The following COX10 variants were observed in gnomAD, a reference collection of about 807,000 sequenced individuals.
COX10 encodes the protein protoheme IX farnesyltransferase, mitochondrial.
Under a neutral mutation model 37.3 loss-of-function variants are expected in COX10, and 27 were observed. The observed-to-expected ratio is 0.72, with a 90% CI of 0.53 to 1.00. COX10 has a LOEUF of 1.00. COX10 is among the 50% of genes least tolerant of loss of function. The pLI is 0.00. For missense variants in COX10, 475 were observed against 563.2 expected, an observed-to-expected ratio of 0.84 and a Z score of 1.59; for synonymous variants, 222 against 229.1, an observed-to-expected ratio of 0.97 and a Z score of 0.28.
chr17:14,161,932 C>A (rs760630372), intron 5 of COX10, among the ~76,000 whole-genome samples: 1 of 152,168 alleles, frequency 6.6e-6, no homozygotes, highest in Non-Finnish European at 1.5e-5. Flanking sequence ...TATACACATC[C>A]TATTGGTTCT....
chr17:14,112,594 C>T (rs1916026563), intron 4 of COX10, among the ~76,000 whole-genome samples: 1 of 152,112 alleles, frequency 6.6e-6, no homozygotes, highest in Non-Finnish European at 1.5e-5. Context: ...TTTATTGGCT[C>T]TGTAACAGAA....
At chr17:14,192,951 AC>A (rs1250826541) in intron 6 of COX10, among the ~76,000 whole-genome samples, 1 of 152,070 alleles carries the variant, frequency 6.6e-6, no homozygotes, top group Non-Finnish European at 1.5e-5. Flanking sequence ...ATAAACCGTT[AC>A]CCTGTAAGCC....
chr17:14,141,832 G>A (rs1227276404), intron 4 of COX10, among the ~76,000 whole-genome samples: 1 of 152,086 alleles, frequency 6.6e-6, no homozygotes, highest in Non-Finnish European at 1.5e-5. Context: ...ATATAATTTA[G>A]AATTTCACTG....
At chr17:14,196,785 T>A (rs954480434) in intron 6 of COX10, among the ~76,000 whole-genome samples, 1 of 152,126 alleles carries the variant, frequency 6.6e-6, no homozygotes, top group African/African-American at 2.4e-5. Flanking sequence ...CTAGACCTGC[T>A]CCCTCCCACA....
intron 3 of COX10, among the ~76,000 whole-genome samples, chr17:14,080,219 C>CTTTTTTTT (rs71147840): frequency 7.8e-5 from 8 of 102,706 alleles, no homozygotes; most frequent in East Asian, 5.8e-4. Flanking sequence ...ATTAGACTTT[C>CTTTTTTTT]TTTTTTTTTT....
intron 3 of COX10, among the ~76,000 whole-genome samples, chr17:14,082,981 G>A (rs948098701): frequency 3.3e-5 from 5 of 152,202 alleles, no homozygotes; most frequent in Non-Finnish European, 5.9e-5. Flanking sequence ...CTGACTGGAT[G>A]TGGAGAGAAC....
chr17:14,072,361 C>T (rs1915044988), intron 1 of COX10, among the ~76,000 whole-genome samples: 1 of 152,144 alleles, frequency 6.6e-6, no homozygotes, highest in Non-Finnish European at 1.5e-5. Context: ...GCTGGGATTA[C>T]AGACGCCCAC....
chr17:14,205,143 CTT>C (rs5819459), intron 6 of COX10, among the ~76,000 whole-genome samples: 3 of 151,330 alleles, frequency 2.0e-5, no homozygotes, highest in East Asian at 1.9e-4. Context: ...CACCACCTTC[CTT>C]TTTTTTTAAT....
chr17:14,137,269 A>G (rs1483096560), intron 4 of COX10, among the ~76,000 whole-genome samples: 1 of 151,054 alleles, frequency 6.6e-6, no homozygotes, highest in Non-Finnish European at 1.5e-5. Flanking sequence ...ATATATTATA[A>G]ACATATTAAA....
intron 6 of COX10, among the ~76,000 whole-genome samples, chr17:14,197,089 G>A (rs1193199712): frequency 5.3e-5 from 8 of 152,132 alleles, no homozygotes; most frequent in Non-Finnish European, 8.8e-5. Flanking sequence ...AGAGGAAGCC[G>A]CTGAGCCAAG....
chr17:14,071,416 G>A (rs1263388626), intron 1 of COX10, among the ~76,000 whole-genome samples: 1 of 152,062 alleles, frequency 6.6e-6, no homozygotes, highest in Non-Finnish European at 1.5e-5. Context: ...GCTAGTAAGT[G>A]GTCTGTATAA....
chr17:14,124,404 C>T (rs773628455), intron 4 of COX10, among the ~76,000 whole-genome samples: 1 of 152,068 alleles, frequency 6.6e-6, no homozygotes, highest in Non-Finnish European at 1.5e-5. Context: ...AATTTCCATT[C>T]GCATAAAGTT....
At chr17:14,090,283 G>A (rs1344927681) in intron 3 of COX10, among the ~76,000 whole-genome samples, 2 of 152,030 alleles carry the variant, frequency 1.3e-5, no homozygotes, top group East Asian at 1.9e-4. Context: ...AAGCATTGTA[G>A]CATCTTATTT....
Position 14,207,143 on chromosome 17 carries a change from T to C in COX10, c.1262T>C (p.Leu421Pro), listed in dbSNP as rs149968861. 19 of 1,612,126 alleles carry C rather than the reference T, an allele frequency of 1.2e-5. No individual in the cohort carries two copies. Among genetic ancestry groups the C allele is most frequent in the Admixed American group, 1.7e-5 (1 of 59,986 alleles). ...TTCTGCAGCCTGTGGCACCTGCCGCTGCTGCTGCTGCTCATGCTCACCTGC... is the reference window on the plus strand; with the variant it reads ...TTCTGCAGCCTGTGGCACCTGCCGCCGCTGCTGCTGCTCATGCTCACCTGC... ...LFFCSLWHLPLLLLLMLTCKR... is the reference protein window; with the variant it reads ...LFFCSLWHLPPLLLLMLTCKR... The change falls in exon 7 of 7, where the codon CTG becomes CCG. Residue 421 changes from leucine (L) to proline (P), a missense_variant. Physicochemically the swap from Leu to Pro is moderately conservative, Grantham distance 98 (BLOSUM62 -3). This residue lies in a region of COX10 where 160 missense variants were observed against 180.6 expected (regional missense o/e 0.89). Transcript: ENST00000261643.
At chr17:14,120,002 G>A (rs572971944) in intron 4 of COX10, among the ~76,000 whole-genome samples, 4 of 152,140 alleles carry the variant, frequency 2.6e-5, no homozygotes, top group African/African-American at 9.6e-5. Context: ...GGTGATGGTT[G>A]GGGGGATAAA....
intron 6 of COX10, among the ~76,000 whole-genome samples, chr17:14,198,657 T>C (rs1429193440): frequency 2.0e-5 from 3 of 152,224 alleles, no homozygotes; most frequent in African/African-American, 7.2e-5. Context: ...GAATGAGATT[T>C]TTTTACCCTC....
At chr17:14,163,860 A>T (rs1259259254) in intron 5 of COX10, among the ~76,000 whole-genome samples, 1 of 151,856 alleles carries the variant, frequency 6.6e-6, no homozygotes, top group Non-Finnish European at 1.5e-5. Flanking sequence ...TTTTTTTCAC[A>T]ATTTTAAATT....
chr17:14,105,606 T>G (rs1915873868), intron 4 of COX10, among the ~76,000 whole-genome samples: 1 of 152,184 alleles, frequency 6.6e-6, no homozygotes, highest in African/African-American at 2.4e-5. Flanking sequence ...GAATTATTCT[T>G]TTAGAAGGCA....
chr17:14,117,355 T>TA (rs1425958954), intron 4 of COX10, among the ~76,000 whole-genome samples: 2 of 152,164 alleles, frequency 1.3e-5, no homozygotes, highest in Admixed American at 6.5e-5. Context: ...AGGTGGATTT[T>TA]AAAAAAATGT....
Sources: allele counts gnomAD v4.1 joint callset (sites outside exome capture counted in the v4.1 genomes callset), GRCh38; gene constraint gnomAD v4.1.1; regional missense constraint gnomAD v4.1.1; transcripts MANE v1.5; gene names NCBI Gene and HGNC (gene_info 2026-07-23, HGNC 2026-07-21).